The following KCNIP4 variants were observed in gnomAD, a reference collection of about 807,000 sequenced individuals.
The protein encoded by KCNIP4 is Kv channel-interacting protein 4.
A neutral mutation model predicts 34.0 loss-of-function variants in KCNIP4; 12 were observed. That is an observed-to-expected ratio of 0.35 (90% CI 0.23 to 0.57). The LOEUF is 0.57. KCNIP4 is among the 20% of genes least tolerant of loss of function. The pLI is 0.83. For missense variants in KCNIP4, 238 were observed against 311.7 expected (o/e 0.76, Z 1.78); for synonymous variants, 124 against 102.2 (o/e 1.21, Z -1.29).
intron 1 of KCNIP4, among the ~76,000 whole-genome samples, chr4:21,816,888 C>T (rs1722021834): frequency 6.6e-6 from 1 of 152,178 alleles, no homozygotes; most frequent in Non-Finnish European, 1.5e-5. Context: ...TGCTTGACCT[C>T]ACTGCCCTTA....
intron 1 of KCNIP4, among the ~76,000 whole-genome samples, chr4:20,947,127 T>G (rs2149631155): frequency 6.6e-6 from 1 of 152,260 alleles, no homozygotes; most frequent in Middle Eastern, 3.4e-3. Flanking sequence ...TCACTCTAAC[T>G]TACGTGACTT....
At chr4:21,418,027 T>C (rs141399129) in intron 1 of KCNIP4, among the ~76,000 whole-genome samples, 92 of 152,264 alleles carry the variant, frequency 6.0e-4, no homozygotes, top group African/African-American at 2.1e-3. Context: ...GAAACTCAAA[T>C]AGTAGAACAA....
At chr4:20,949,683 A>C (rs549757740) in intron 1 of KCNIP4, among the ~76,000 whole-genome samples, 86 of 152,254 alleles carry the variant, frequency 5.6e-4, no homozygotes, top group South Asian at 1.0e-3. Flanking sequence ...CAGCCATAAA[A>C]AATGATGAGT....
chr4:20,827,482 C>T (rs1185410824), intron 3 of KCNIP4, among the ~76,000 whole-genome samples: 1 of 152,054 alleles, frequency 6.6e-6, no homozygotes, highest in African/African-American at 2.4e-5. Context: ...ATCCTAAAGG[C>T]CTTATTTAAC....
chr4:21,209,352 T>C (rs562742999), intron 1 of KCNIP4, among the ~76,000 whole-genome samples: 8 of 152,254 alleles, frequency 5.3e-5, no homozygotes, highest in African/African-American at 1.9e-4. Flanking sequence ...AACTTATTCC[T>C]CCTATCTAGC....
intron 1 of KCNIP4, among the ~76,000 whole-genome samples, chr4:21,273,910 A>G (rs769658639): frequency 1.3e-5 from 2 of 152,168 alleles, no homozygotes; most frequent in Non-Finnish European, 2.9e-5. Flanking sequence ...GGAGCTCTCC[A>G]AGGGCCAGGT....
intron 1 of KCNIP4, among the ~76,000 whole-genome samples, chr4:21,841,281 G>A (rs954157767): frequency 6.6e-6 from 1 of 152,048 alleles, no homozygotes; most frequent in Non-Finnish European, 1.5e-5. Flanking sequence ...GGTCCATACA[G>A]ATCATTTAAT....
intron 1 of KCNIP4, among the ~76,000 whole-genome samples, chr4:21,632,951 GA>G (rs1745868557): frequency 6.6e-6 from 1 of 152,138 alleles, no homozygotes; most frequent in Non-Finnish European, 1.5e-5. Context: ...ATCTTATACT[GA>G]GGTTATATTT....
intron 1 of KCNIP4, chr4:21,846,208 T>G (rs1724003908): frequency 6.6e-6 from 1 of 152,164 alleles, no homozygotes. Context: ...CTAATTTCCA[T>G]GCACAGAACC....
intron 1 of KCNIP4, chr4:21,849,400 A>C (rs1319807494): frequency 6.6e-6 from 1 of 152,132 alleles, no homozygotes; most frequent in Admixed American, 6.5e-5. Flanking sequence ...TTTCTATTAT[A>C]AGAGTGGATC....
chr4:21,108,201 A>C (rs1748768341), intron 1 of KCNIP4, among the ~76,000 whole-genome samples: 1 of 150,454 alleles, frequency 6.6e-6, no homozygotes, highest in Admixed American at 6.6e-5. Context: ...AGTGTTTTCC[A>C]ACTTGGTTCC....
chr4:21,061,909 G>A (rs1387809398), intron 1 of KCNIP4, among the ~76,000 whole-genome samples: 5 of 152,028 alleles, frequency 3.3e-5, no homozygotes, highest in African/African-American at 4.8e-5. Flanking sequence ...ACATACAGAG[G>A]GACAACCATG....
At chr4:21,577,633 AAAACAAACAAACAAAC>A (rs36186672) in intron 1 of KCNIP4, among the ~76,000 whole-genome samples, 3 of 150,806 alleles carry the variant, frequency 2.0e-5, no homozygotes, top group Non-Finnish European at 4.4e-5. Flanking sequence ...CTCCATCTTA[AAAACAAACAAACAAAC>A]AAACAAACAA....
At chr4:20,841,372 G>C (rs1485694274) in intron 3 of KCNIP4, among the ~76,000 whole-genome samples, 1 of 152,098 alleles carries the variant, frequency 6.6e-6, no homozygotes, top group African/African-American at 2.4e-5. Flanking sequence ...AATAGGGGAG[G>C]AGTCCACAAG....
chr4:20,921,224 G>A, intron 1 of KCNIP4, among the ~76,000 whole-genome samples: 1 of 152,162 alleles, frequency 6.6e-6, no homozygotes, highest in Admixed American at 6.5e-5. Flanking sequence ...AGAATTCTAA[G>A]TTGACGCCAA....
At chr4:20,779,540 T>C (rs1424600686) in intron 3 of KCNIP4, among the ~76,000 whole-genome samples, 2 of 148,230 alleles carry the variant, frequency 1.3e-5, no homozygotes, top group African/African-American at 2.5e-5. Flanking sequence ...TAACCTAATC[T>C]CTGGAACCTA....
rs757200407 is a variant in KCNIP4, at chr4:21,192,952, C to CTACTACTACTAA, written c.62-310244_62-310243insTTAGTAGTAGTA. 2.4e-4 allele frequency among the ~76,000 whole-genome samples: 35 copies of CTACTACTACTAA among 145,116 alleles called. 1 individual carries two copies. The highest frequency in any genetic ancestry group is 8.7e-4 in the African/African-American group (34 of 39,144). On this transcript the variant is annotated intron_variant, in intron 1 of 8. Coordinates refer to ENST00000382152, the MANE Select transcript of KCNIP4 (RefSeq NM_025221.6). ...ACTACTACTACTACTACTACTACTA[C>CTACTACTACTAA]TAATAATAATAATAATTAGTTGGGT... is the stretch of plus-strand genomic sequence containing the variant.
intron 1 of KCNIP4, among the ~76,000 whole-genome samples, chr4:20,914,718 C>T (rs1728642326): frequency 6.6e-6 from 1 of 152,168 alleles, no homozygotes; most frequent in African/African-American, 2.4e-5. Flanking sequence ...CCTCTTCAGG[C>T]TCAGCAACTC....
intron 1 of KCNIP4, among the ~76,000 whole-genome samples, chr4:21,525,291 T>G (rs1052402399): frequency 6.6e-6 from 1 of 152,192 alleles, no homozygotes; most frequent in Non-Finnish European, 1.5e-5. Context: ...GCAATAGTCC[T>G]AATTTCATCT....
Sources: allele counts gnomAD v4.1 joint callset (sites outside exome capture counted in the v4.1 genomes callset), GRCh38; gene constraint gnomAD v4.1.1; transcripts MANE v1.5; gene names NCBI Gene and HGNC (gene_info 2026-07-23, HGNC 2026-07-21).